The following CCDC15 variants were observed in gnomAD, a reference collection of about 807,000 sequenced individuals.
The protein encoded by CCDC15 is coiled-coil domain containing 15.
A neutral mutation model predicts 114.5 loss-of-function variants in CCDC15; 105 were observed. The observed-to-expected ratio is 0.92, with a 90% confidence interval of 0.78 to 1.08. The LOEUF is 1.08. Among genes scored for constraint, CCDC15 ranks in the 50% least tolerant of loss-of-function variants. The pLI, the probability that CCDC15 is intolerant of heterozygous loss-of-function variation, is 0.00. For synonymous variants in CCDC15, 334 were observed against 377.8 expected (o/e 0.88, Z 1.34); for missense variants, 1,105 against 1,093.6 (o/e 1.01, Z -0.15).
chr11:124,979,380 C>G (rs1591583957), intron 6 of CCDC15, among the ~76,000 whole-genome samples: 1 of 152,060 alleles, frequency 6.6e-6, no homozygotes, highest in East Asian at 1.9e-4. Context: ...GGCAGTATGG[C>G]CATTTTAACT....
intron 5 of CCDC15, 133 bp downstream of exon 5, chr11:124,975,342 G>A (rs1054070263): frequency 6.5e-6 from 3 of 462,244 alleles, no homozygotes; most frequent in Non-Finnish European, 1.1e-5. Flanking sequence ...AGTAGGGGAT[G>A]CTTGAGTAAA....
At chr11:125,040,052 G>T (rs918596298) in intron 15 of CCDC15, among the ~76,000 whole-genome samples, 17 of 146,062 alleles carry the variant, frequency 1.2e-4, no homozygotes, top group Admixed American at 1.4e-4. Flanking sequence ...TTTTGTTTTT[G>T]TTTTTTTTTT....
At position 125,040,688 on chromosome 11, in the gene CCDC15, A is replaced by T. The variant is rs765617963; in HGVS notation, c.2833A>T (p.Arg945Trp). The T allele has an allele frequency of 1.9e-6, 3 of 1,612,092 alleles. No homozygotes were observed. Among genetic ancestry groups the T allele is most frequent in the Non-Finnish European group, 2.5e-6 (3 of 1,179,026 alleles). The change falls in exon 16 of 16, where the codon AGG becomes TGG. Residue 945 changes from arginine to tryptophan, a missense_variant. Physicochemically the swap from Arg to Trp is moderately radical, Grantham distance 101. Transcript: ENST00000344762. ...VAIHNFASAH[R>W]RTLKNL ...AATTCATAATTTTGCTTCTGCACAC[A>T]GGCGGACTTTGAAAAATCTATAATA...
intron 13 of CCDC15, among the ~76,000 whole-genome samples, chr11:125,018,518 A>T (rs764490808): frequency 5.9e-5 from 9 of 152,072 alleles, no homozygotes; most frequent in Non-Finnish European, 1.2e-4. Flanking sequence ...ACAAGATAAT[A>T]CAGCACGTGG....
intron 6 of CCDC15, among the ~76,000 whole-genome samples, chr11:124,980,219 C>T (rs1948045715): frequency 6.6e-6 from 1 of 151,914 alleles, no homozygotes; most frequent in Non-Finnish European, 1.5e-5. Flanking sequence ...AGAATATTGG[C>T]CTGAAGTTTT....
chr11:125,024,463 A>G (rs1948681997), intron 13 of CCDC15, among the ~76,000 whole-genome samples: 1 of 152,104 alleles, frequency 6.6e-6, no homozygotes, highest in Non-Finnish European at 1.5e-5. Context: ...TAACATTTAT[A>G]TAGACCTTCT....
chr11:124,979,320 A>G (rs1948027081), intron 6 of CCDC15, among the ~76,000 whole-genome samples: 1 of 152,044 alleles, frequency 6.6e-6, no homozygotes, highest in Non-Finnish European at 1.5e-5. Flanking sequence ...TCTATGAAGA[A>G]TGTCATTGGT....
intron 6 of CCDC15, among the ~76,000 whole-genome samples, chr11:124,981,382 T>C (rs1024468084): frequency 1.3e-5 from 2 of 152,230 alleles, no homozygotes; most frequent in Non-Finnish European, 2.9e-5. Context: ...TCTTGCTTTG[T>C]CACCCAGGCT....
At chr11:125,032,613 T>C (rs1010003290) in intron 13 of CCDC15, among the ~76,000 whole-genome samples, 1 of 152,192 alleles carries the variant, frequency 6.6e-6, no homozygotes, top group Admixed American at 6.5e-5. Flanking sequence ...TGCAATATTG[T>C]TTTTGATTTA....
In CCDC15 at chr11:124,997,616, A is replaced by G. The variant is rs375354876; in HGVS notation, c.2214+4373A>G. On this transcript the variant is annotated intron_variant, in intron 11 of 15. Coordinates refer to ENST00000344762, the MANE Select transcript of CCDC15 (RefSeq NM_025004.3). Reference sequence around the variant, plus strand: ...CATTTTAGAGAATATCTTCGTTGTTATAAGCAAAATATTGGTGGAAATGTC... The same window carrying G: ...CATTTTAGAGAATATCTTCGTTGTTGTAAGCAAAATATTGGTGGAAATGTC... 9.4e-4 allele frequency among the ~76,000 whole-genome samples: 143 copies of G among 152,242 alleles called. 1 individual carries two copies. The highest frequency in any genetic ancestry group is 3.3e-3 in the African/African-American group (138 of 41,536).
intron 13 of CCDC15, among the ~76,000 whole-genome samples, chr11:125,032,994 G>T (rs1487242168): frequency 6.6e-6 from 1 of 152,148 alleles, no homozygotes; most frequent in Non-Finnish European, 1.5e-5. Context: ...GTAAAGTCCG[G>T]AGGTCTCCTT....
At chr11:124,963,452 G>C (rs2135436248) in intron 4 of CCDC15, among the ~76,000 whole-genome samples, 1 of 152,326 alleles carries the variant, frequency 6.6e-6, no homozygotes, top group Middle Eastern at 3.4e-3. Flanking sequence ...TTTGAGAAGT[G>C]TCTGTTCATA....
chr11:124,974,149 A>G (rs1047527606), intron 4 of CCDC15, among the ~76,000 whole-genome samples: 13 of 151,358 alleles, frequency 8.6e-5, no homozygotes, highest in Non-Finnish European at 1.6e-4. Context: ...TAATTTTTTT[A>G]TTTTTAGTAG....
At chr11:124,972,653 A>G (rs529570896) in intron 4 of CCDC15, among the ~76,000 whole-genome samples, 34 of 152,316 alleles carry the variant, frequency 2.2e-4, no homozygotes, top group African/African-American at 8.2e-4. Context: ...CCAGAAGTCC[A>G]GAATCCACTT....
In CCDC15 at chr11:125,006,963, G is replaced by T. The variant is rs117227200; in HGVS notation, c.2411+1751G>T. The stretch of plus-strand genomic sequence containing the variant: ...ATATTTTTATTGATACATAATAATT[G>T]TACATATTTATGGGATACATGTAAT... On this transcript the variant is annotated intron_variant, in intron 13 of 15. Coordinates refer to ENST00000344762, the MANE Select transcript of CCDC15 (RefSeq NM_025004.3). Among the ~76,000 whole-genome samples the T allele has an allele frequency of 2.4e-4, 36 of 152,066 alleles. No individual in the cohort carries two copies. In the East Asian group the frequency reaches 5.6e-3, roughly 24 times the overall value.
chr11:124,971,243 C>T lies in CCDC15; in HGVS notation c.517-3853C>T, dbSNP rs1283323740. Among the ~76,000 whole-genome samples, 4 of 152,162 alleles carry T rather than the reference C, an allele frequency of 2.6e-5. No individual in the cohort carries two copies. In the East Asian group the frequency reaches 7.7e-4, roughly 29 times the overall value. On this transcript the variant is annotated intron_variant, in intron 4 of 15. Transcript: ENST00000344762. ...CAGAAAGGAATAGCATCGACATCAA[C>T]AAAAAGGACATCCACACCAAAACCC...
At chr11:125,034,399 G>T (rs147496461) in intron 13 of CCDC15, among the ~76,000 whole-genome samples, 1 of 152,164 alleles carries the variant, frequency 6.6e-6, no homozygotes, top group African/African-American at 2.4e-5. Flanking sequence ...CCAGCCACTC[G>T]CGTGATAAAA....
chr11:124,973,792 A>T (rs913843056), intron 4 of CCDC15, among the ~76,000 whole-genome samples: 1 of 151,192 alleles, frequency 6.6e-6, no homozygotes. Flanking sequence ...ACTACAGCAA[A>T]TTTTTTTTGT....
intron 11 of CCDC15, among the ~76,000 whole-genome samples, chr11:124,997,824 C>T (rs987223078): frequency 2.0e-5 from 3 of 152,124 alleles, no homozygotes; most frequent in Admixed American, 6.5e-5. Flanking sequence ...CACCTGTAAT[C>T]GCAGCTACAG....
Sources: gnomAD v4.1 joint callset for allele counts (sites outside exome capture counted in the v4.1 genomes callset) on GRCh38, gnomAD v4.1.1 for gene constraint, MANE v1.5 for transcripts, NCBI Gene and HGNC (gene_info 2026-07-23, HGNC 2026-07-21) for gene names.